RPS6KA2: variants seen among roughly 807,000 people sequenced by gnomAD.
RPS6KA2 encodes the protein ribosomal protein S6 kinase A2.
RPS6KA2 carries 42 observed loss-of-function variants against 91.8 expected under a neutral mutation model. The observed-to-expected ratio is 0.46, with a 90% CI of 0.36 to 0.59. RPS6KA2 has a LOEUF of 0.59. RPS6KA2 is among the 20% of genes least tolerant of loss of function. The pLI is 0.00. For synonymous variants in RPS6KA2, 414 were observed against 393.6 expected, an observed-to-expected ratio of 1.05 and a Z score of -0.61; for missense variants, 798 against 978.5, an observed-to-expected ratio of 0.82 and a Z score of 2.46.
At chr6:166,786,095 G>A (rs1020814423) in intron 2 of RPS6KA2, among the ~76,000 whole-genome samples, 1 of 152,172 alleles carries the variant, frequency 6.6e-6, no homozygotes, top group African/African-American at 2.4e-5. Context: ...AGAAAATTGA[G>A]TTAGGAACAG....
At chr6:166,645,173 G>T (rs1456790214) in intron 2 of RPS6KA2, among the ~76,000 whole-genome samples, 1 of 152,208 alleles carries the variant, frequency 6.6e-6, no homozygotes, top group East Asian at 1.9e-4. Flanking sequence ...TTTAAAGCTA[G>T]CTATTAAAGT....
intron 2 of RPS6KA2, among the ~76,000 whole-genome samples, chr6:166,812,601 G>T (rs1779667862): frequency 6.6e-6 from 1 of 152,094 alleles, no homozygotes; most frequent in East Asian, 1.9e-4. Flanking sequence ...TGGGCGCGTG[G>T]CCTCCCATAC....
Position 166,728,446 on chromosome 6 carries a change from T to C in RPS6KA2, c.123+129754A>G, listed in dbSNP as rs1252606509. 2.0e-5 allele frequency among the ~76,000 whole-genome samples: 3 copies of C among 152,248 alleles called. No homozygotes were observed. In the South Asian group the frequency reaches 6.2e-4, roughly 32 times the overall value. ...GCAGTGGATAAAAAAGAGTCACCCA[T>C]GGGTACATGACAAGCCTATTCTTCT... On this transcript the variant is annotated intron_variant, in intron 2 of 21. Transcript: ENST00000503859.
At chr6:166,742,647 C>G (rs1377068879) in intron 2 of RPS6KA2, among the ~76,000 whole-genome samples, 1 of 152,186 alleles carries the variant, frequency 6.6e-6, no homozygotes, top group Non-Finnish European at 1.5e-5. Flanking sequence ...CAGCATCCTT[C>G]CCAGCAACAC....
At chr6:166,576,522 C>T (rs1554292678) in intron 1 of RPS6KA2, among the ~76,000 whole-genome samples, 1 of 152,184 alleles carries the variant, frequency 6.6e-6, no homozygotes, top group Non-Finnish European at 1.5e-5. Flanking sequence ...GCAAAGGTGA[C>T]TCTTACTATG....
chr6:166,506,532 G>T (rs905855920), intron 5 of RPS6KA2, among the ~76,000 whole-genome samples: 18 of 152,188 alleles, frequency 1.2e-4, no homozygotes, highest in Admixed American at 3.3e-4. Context: ...AAAGGAAGGG[G>T]CCAGACGCCA....
chr6:166,509,142 GC>G (rs929138059), intron 4 of RPS6KA2, among the ~76,000 whole-genome samples: 140 of 152,308 alleles, frequency 9.2e-4, no homozygotes, highest in African/African-American at 3.3e-3. Context: ...TAGAAACATA[GC>G]CCCCAGCTAG....
chr6:166,413,983 G>A, intron 19 of RPS6KA2, 52 bp from the exon 20 acceptor site: 1 of 1,573,296 alleles, frequency 6.4e-7, no homozygotes, highest in Non-Finnish European at 8.7e-7. Flanking sequence ...ATTTGTGCTG[G>A]GTCAGAGAGC....
intron 2 of RPS6KA2, among the ~76,000 whole-genome samples, chr6:166,634,731 C>T (rs1020789184): frequency 2.0e-5 from 3 of 152,112 alleles, no homozygotes; most frequent in Non-Finnish European, 4.4e-5. Context: ...ATTGTTGAGT[C>T]GCTGGGGCTA....
intron 9 of RPS6KA2, 60 bp from the exon 10 acceptor site, chr6:166,488,981 A>G (rs560984231): frequency 1.4e-6 from 2 of 1,413,286 alleles, no homozygotes; most frequent in African/African-American, 2.8e-5. Context: ...AGCTATAAAG[A>G]GGGCCCCAGT....
intron 15 of RPS6KA2, among the ~76,000 whole-genome samples, chr6:166,430,893 C>T (rs2128445590): frequency 6.6e-6 from 1 of 152,256 alleles, no homozygotes; most frequent in South Asian, 2.1e-4. Flanking sequence ...TGAATGGCTT[C>T]ATGACTCTGC....
At chr6:166,540,903 T>C (rs1321722330) in intron 1 of RPS6KA2, among the ~76,000 whole-genome samples, 1 of 152,202 alleles carries the variant, frequency 6.6e-6, no homozygotes, top group Non-Finnish European at 1.5e-5. Context: ...AAAAAATTCA[T>C]CATGGAAACA....
At chr6:166,602,122 C>T (rs547676366) in intron 1 of RPS6KA2, among the ~76,000 whole-genome samples, 1 of 152,340 alleles carries the variant, frequency 6.6e-6, no homozygotes, top group African/African-American at 2.4e-5. Context: ...TCTGACCACA[C>T]TGGCCATCGG....
At position 166,500,190 on chromosome 6, in the gene RPS6KA2, T is replaced by C. The variant is rs1781974271; in HGVS notation, c.604+697A>G. On this transcript the variant is annotated intron_variant, in intron 7 of 20. Coordinates refer to ENST00000265678, the MANE Select transcript of RPS6KA2 (RefSeq NM_021135.6). The surrounding 1 kb of genome is among the most constrained non-coding windows in gnomAD (Gnocchi z 4.3). Reference sequence around the variant, plus strand: ...GCAGGCAGCCCTGCTGACACCTTGATTTCATTCCTGGGAGACTTATTTCAC... The same window carrying C: ...GCAGGCAGCCCTGCTGACACCTTGACTTCATTCCTGGGAGACTTATTTCAC... Among the ~76,000 whole-genome samples, 1 of 152,230 alleles carries C rather than the reference T, an allele frequency of 6.6e-6. No individual in the cohort carries two copies. The highest frequency in any genetic ancestry group is 1.5e-5 in the Non-Finnish European group (1 of 68,040).
At chr6:166,754,843 G>A (rs985005265) in intron 2 of RPS6KA2, among the ~76,000 whole-genome samples, 1 of 152,208 alleles carries the variant, frequency 6.6e-6, no homozygotes, top group Non-Finnish European at 1.5e-5. Flanking sequence ...TGTGGTCTCA[G>A]GGAAGGGCTC....
Position 166,475,462 on chromosome 6 carries a change from C to T in RPS6KA2, c.908-5557G>A, listed in dbSNP as rs528158092. On this transcript the variant is annotated intron_variant, in intron 10 of 20. Coordinates refer to ENST00000265678, the MANE Select transcript of RPS6KA2 (RefSeq NM_021135.6). ...CCTTCCTTCCTCCCACTACTCTGCA[C>T]GTGACGTTTCTTGGGCCCAGAAGGC... Among the ~76,000 whole-genome samples, 4 of 152,324 alleles carry T rather than the reference C, an allele frequency of 2.6e-5. No homozygotes were observed. In the South Asian group the frequency reaches 8.3e-4, roughly 32 times the overall value.
intron 2 of RPS6KA2, chr6:166,701,610 A>T (rs1473423683): frequency 1.5e-6 from 2 of 1,326,960 alleles, no homozygotes; most frequent in African/African-American, 2.9e-5. Flanking sequence ...ACAGATGAAC[A>T]GTCTCGGATT....
chr6:166,702,610 CT>C, intron 2 of RPS6KA2: 2 of 1,570,468 alleles, frequency 1.3e-6, no homozygotes, highest in Non-Finnish European at 1.8e-6. Flanking sequence ...AATCCTTTGC[CT>C]TTTTGGGACC....
rs111925610 is a variant in RPS6KA2 at position 166,504,467 on chromosome 6, T to C, written c.566+39A>G. 2,332 of 1,205,736 alleles carry C rather than the reference T, an allele frequency of 1.9e-3. 39 individuals are homozygous for C. The African/African-American group carries it at 0.032, about 17-fold the overall frequency. The allele number at this position is 1,205,736 out of a possible 1,614,324, so 74.7% of individuals were successfully genotyped here. On this transcript the variant is annotated intron_variant, in intron 6 of 20. Transcript: ENST00000265678. ...GGGCCAGGAAAATACATGGAGCTGA[T>C]GGGCGTGGGGAAGTCAGCCCTAGTT... is the stretch of plus-strand genomic sequence containing the variant.
Sources: gnomAD v4.1 joint callset for allele counts (sites outside exome capture counted in the v4.1 genomes callset) on GRCh38, gnomAD v4.1.1 for gene constraint, Gnocchi (gnomAD v3.1) non-coding constraint, MANE v1.5 for transcripts, NCBI Gene and HGNC (gene_info 2026-07-23, HGNC 2026-07-21) for gene names.